PRELID2: variants seen among roughly 807,000 people sequenced by gnomAD.
PRELID2 encodes the protein PRELI domain-containing protein 2.
A neutral mutation model predicts 28.4 loss-of-function variants in PRELID2; 25 were observed. The observed-to-expected ratio is 0.88, with a 90% CI of 0.64 to 1.23. PRELID2 has a LOEUF of 1.23. Ranked by LOEUF, PRELID2 falls within the 50% of genes most tolerant of loss-of-function variation. PRELID2 has a pLI of 0.00. For missense variants in PRELID2, 201 were observed against 214.4 expected (o/e 0.94, Z 0.39); for synonymous variants, 76 against 71.6 (o/e 1.06, Z -0.31).
chr5:145,819,663 G>C (rs1754620287), intron 3 of PRELID2: 2 of 567,778 alleles, frequency 3.5e-6, no homozygotes, highest in African/African-American at 1.9e-5. Context: ...GAACAGATTA[G>C]ATAGTCACTT....
intron 1 of PRELID2, among the ~76,000 whole-genome samples, chr5:145,517,942 G>C (rs187175693): frequency 2.6e-5 from 4 of 151,996 alleles, no homozygotes; most frequent in Admixed American, 6.6e-5. Context: ...GTTGAACTAT[G>C]AGAACACATG....
At chr5:145,278,044 A>G in the PRELID2 span, among the ~76,000 whole-genome samples, 6 of 152,136 alleles carry the variant, frequency 3.9e-5, no homozygotes, top group African/African-American at 1.2e-4. Context: ...ACGCTCCAGA[A>G]CCATATATTT....
intron 1 of PRELID2, among the ~76,000 whole-genome samples, chr5:145,662,299 G>A (rs906071118): frequency 1.3e-5 from 2 of 152,076 alleles, no homozygotes; most frequent in South Asian, 2.1e-4. Flanking sequence ...GACTGGATTC[G>A]CATAAGAGAA....
At chr5:145,364,488 C>T in the PRELID2 span, among the ~76,000 whole-genome samples, 1 of 151,912 alleles carries the variant, frequency 6.6e-6, no homozygotes, top group African/African-American at 2.4e-5. Flanking sequence ...ATGTAAGCTC[C>T]CTAAGGAGAG....
intron 1 of PRELID2, among the ~76,000 whole-genome samples, chr5:145,502,105 A>G (rs149514205): frequency 0.01 from 1,592 of 152,234 alleles, 28 homozygotes; most frequent in African/African-American, 0.036. Context: ...AAGAGGTTTA[A>G]TTGGCTCACA....
chr5:145,643,954 TGATATTG>T (rs1286570684), intron 1 of PRELID2, among the ~76,000 whole-genome samples: 23 of 152,116 alleles, frequency 1.5e-4, no homozygotes, highest in Admixed American at 1.5e-3. Context: ...TATTCATCAG[TGATATTG>T]GCCTGAAATT....
the PRELID2 span, among the ~76,000 whole-genome samples, chr5:145,246,425 T>A: frequency 3.9e-5 from 6 of 152,212 alleles, no homozygotes; most frequent in African/African-American, 1.4e-4. Flanking sequence ...AATATGTAGT[T>A]GTACAAATAA....
At chr5:145,721,550 G>A (rs1323480578) in intron 1 of PRELID2, among the ~76,000 whole-genome samples, 1 of 152,098 alleles carries the variant, frequency 6.6e-6, no homozygotes, top group Admixed American at 6.6e-5. Flanking sequence ...AAATCACATA[G>A]TAATTTTATA....
chr5:145,386,092 T>C, the PRELID2 span, among the ~76,000 whole-genome samples: 3 of 152,092 alleles, frequency 2.0e-5, no homozygotes, highest in African/African-American at 4.8e-5. Context: ...GACTAACAGT[T>C]CAGCATGGCT....
chr5:145,542,773 CTTTCTTTCTTTCTGTCTTTT>C (rs1442402120), intron 1 of PRELID2, among the ~76,000 whole-genome samples: 1 of 141,216 alleles, frequency 7.1e-6, no homozygotes, highest in African/African-American at 3.0e-5. Flanking sequence ...TTCTTTCTTT[CTTTCTTTCTTTCTGTCTTTT>C]TCTCTTTTCT....
chr5:145,581,923 T>A (rs1246814243), intron 1 of PRELID2, among the ~76,000 whole-genome samples: 1 of 152,102 alleles, frequency 6.6e-6, no homozygotes, highest in Admixed American at 6.6e-5. Context: ...TCTTTTTTTG[T>A]TCCAAATCAA....
intron 1 of PRELID2, among the ~76,000 whole-genome samples, chr5:145,697,926 A>C (rs936887453): frequency 6.6e-6 from 1 of 152,092 alleles, no homozygotes; most frequent in Non-Finnish European, 1.5e-5. Flanking sequence ...ATCACTAAAA[A>C]TTTGCAGCCT....
intron 1 of PRELID2, chr5:145,729,107 A>G (rs913989728): frequency 1.5e-5 from 9 of 589,166 alleles, no homozygotes; most frequent in African/African-American, 1.1e-4. Context: ...TCCCATTGTT[A>G]CCCTGGTTTC....
chr5:145,249,087 T>C, the PRELID2 span, among the ~76,000 whole-genome samples: 4 of 152,192 alleles, frequency 2.6e-5, no homozygotes, highest in African/African-American at 9.6e-5. Flanking sequence ...AAGCATCACA[T>C]TTTATATGAA....
chr5:145,498,735 T>A (rs1752329739), intron 1 of PRELID2, among the ~76,000 whole-genome samples: 1 of 151,968 alleles, frequency 6.6e-6, no homozygotes, highest in Non-Finnish European at 1.5e-5. Flanking sequence ...TTTTGTATTT[T>A]TAGTAGAGAT....
intron 1 of PRELID2, among the ~76,000 whole-genome samples, chr5:145,620,770 C>G (rs200235347): frequency 0.068 from 10,326 of 151,398 alleles, 555 homozygotes; most frequent in Admixed American, 0.18. Context: ...TCCCAGAAGT[C>G]GAGGCTACAG....
At chr5:145,813,159 A>C (rs1342543466) in intron 4 of PRELID2, among the ~76,000 whole-genome samples, 2 of 152,168 alleles carry the variant, frequency 1.3e-5, no homozygotes, top group Admixed American at 1.3e-4. Flanking sequence ...TTGAAAGTCT[A>C]ATTTTACACT....
the PRELID2 span, among the ~76,000 whole-genome samples, chr5:145,292,882 T>A: frequency 2.0e-5 from 3 of 152,104 alleles, no homozygotes; most frequent in Non-Finnish European, 4.4e-5. Flanking sequence ...TAATTTTTTT[T>A]ATTTTTTATT....
chr5:145,649,922 T>C (rs1754260378), intron 1 of PRELID2, among the ~76,000 whole-genome samples: 1 of 152,238 alleles, frequency 6.6e-6, no homozygotes, highest in South Asian at 2.1e-4. Flanking sequence ...GTTTGTTTCT[T>C]GTTGTTTGGG....
Sources: allele counts gnomAD v4.1 joint callset (sites outside exome capture counted in the v4.1 genomes callset), GRCh38; gene constraint gnomAD v4.1.1; transcripts MANE v1.5; gene names NCBI Gene and HGNC (gene_info 2026-07-23, HGNC 2026-07-21).